ZNF718: variants seen among roughly 807,000 people sequenced by gnomAD.
ZNF718 encodes the protein zinc finger protein 718.
Under a neutral mutation model 2.6 loss-of-function variants are expected in ZNF718, and 3 were observed. The ratio of observed to expected loss-of-function variants is 1.16; its 90% CI spans 0.53 to 3.01. ZNF718 has a LOEUF of 3.01. ZNF718 is among the 30% of genes most tolerant of loss of function. The probability of loss-of-function intolerance (pLI) is 0.03; values close to 1 mark genes in which losing one functional copy is unlikely to be tolerated. For missense variants in ZNF718, 468 were observed against 230.0 expected (o/e 2.03, Z -6.69); for synonymous variants, 135 against 77.9 (o/e 1.73, Z -3.86).
rs1481673724 is a variant in ZNF718 at position 163,905 on chromosome 4, T to C, written c.*1783T>C. 6.9e-6 allele frequency: 1 copy of C among 145,472 alleles called. No individual in the cohort carries two copies. Among genetic ancestry groups the C allele is most frequent in the Non-Finnish European group, 1.6e-5 (1 of 64,130 alleles). 9.0% of individuals were successfully genotyped at this position (145,472 alleles called of 1,614,324 possible). A position where few individuals can be genotyped will look rare whatever the true frequency, so the allele number is the denominator to read the frequency against. ...TTTATGTGGGTACATGGTATGTGTA[T>C]ACATTCATGGCATAGATGGGTTACT... On this transcript the variant is annotated 3_prime_UTR_variant, in exon 4 of 4. Coordinates refer to ENST00000510175, the MANE Select transcript of ZNF718 (RefSeq NM_001039127.6).
At chr4:142,420 G>A (rs1715852407) in intron 3 of ZNF718, among the ~76,000 whole-genome samples, 1 of 152,202 alleles carries the variant, frequency 6.6e-6, no homozygotes, top group South Asian at 2.1e-4. Context: ...GTCAGTGTAA[G>A]TAAGAAACTT....
intron 3 of ZNF718, among the ~76,000 whole-genome samples, chr4:193,418 G>A (rs769898954): frequency 2.4e-4 from 36 of 152,116 alleles, no homozygotes; most frequent in Non-Finnish European, 5.0e-4. Context: ...GGAGGACTAG[G>A]TAAGCATACT....
At chr4:133,887 T>A (rs782157095) in intron 3 of ZNF718, among the ~76,000 whole-genome samples, 3 of 152,374 alleles carry the variant, frequency 2.0e-5, no homozygotes, top group Non-Finnish European at 1.5e-5. Flanking sequence ...TGAACACATC[T>A]ATTACCTCAG....
At chr4:174,080 A>T (rs1553818673) in intron 3 of ZNF718, among the ~76,000 whole-genome samples, 1 of 152,116 alleles carries the variant, frequency 6.6e-6, no homozygotes, top group African/African-American at 2.4e-5. Context: ...TAAACAAGCT[A>T]TTTAGATAAA....
chr4:148,601 ACT>A (rs1560115920), intron 3 of ZNF718, among the ~76,000 whole-genome samples: 4 of 132,000 alleles, frequency 3.0e-5, no homozygotes, highest in African/African-American at 1.2e-4. Context: ...ACAGAGTGAG[ACT>A]CTGTCTCAAA....
intron 3 of ZNF718, among the ~76,000 whole-genome samples, chr4:181,646 T>C (rs1192785569): frequency 1.3e-5 from 2 of 152,120 alleles, no homozygotes; most frequent in African/African-American, 2.4e-5. Flanking sequence ...TCTATAAAAA[T>C]CTATTTTTTT....
In ZNF718 at chr4:131,271, C is replaced by A. The variant is rs1320484332; in HGVS notation, c.131-139C>A. On this transcript the variant is annotated intron_variant, in intron 2 of 3. Coordinates refer to ENST00000510175, the MANE Select transcript of ZNF718 (RefSeq NM_001039127.6). ...AGATTTAAAATACTTAAATATTCTA[C>A]AGATTCTGTCGGAAAACAATTTTTG... 4.0e-5 allele frequency: 9 copies of A among 224,702 alleles called. 3 individuals carry two copies. The highest frequency in any genetic ancestry group is 7.1e-5 in the Non-Finnish European group (9 of 126,940). 13.9% of individuals were successfully genotyped at this position (224,702 alleles called of 1,614,324 possible). A position where few individuals can be genotyped will look rare whatever the true frequency, so the allele number is the denominator to read the frequency against.
At chr4:124,724 C>A in intron 1 of ZNF718, 51 bp downstream of exon 1, 1 of 1,603,940 alleles carries the variant, frequency 6.2e-7, no homozygotes, top group South Asian at 1.1e-5. Context: ...TCATCGGAAC[C>A]GGCGGGAAAT....
chr4:155,309 C>T (rs1440989988), intron 3 of ZNF718, among the ~76,000 whole-genome samples: 1 of 152,108 alleles, frequency 6.6e-6, no homozygotes, highest in Non-Finnish European at 1.5e-5. Flanking sequence ...GTCCTCCAGG[C>T]CCCAGAATGA....
intron 3 of ZNF718, among the ~76,000 whole-genome samples, chr4:187,432 G>A (rs1717592414): frequency 6.6e-6 from 1 of 152,026 alleles, no homozygotes. Context: ...TCACCATATT[G>A]GCCAGACTGG....
upstream of ZNF718, chr4:124,485 A>G: frequency 1.4e-6 from 1 of 721,330 alleles, no homozygotes; most frequent in Non-Finnish European, 2.4e-6. Flanking sequence ...AGGGTGCGGC[A>G]TCCGGGATCT....
intron 3 of ZNF718, among the ~76,000 whole-genome samples, chr4:159,157 C>T (rs1189534638): frequency 6.6e-6 from 1 of 151,696 alleles, no homozygotes; most frequent in Non-Finnish European, 1.5e-5. Flanking sequence ...TTGCCTCAGC[C>T]TCCCGAGTAG....
At chr4:145,442 A>G (rs1349917239) in intron 3 of ZNF718, among the ~76,000 whole-genome samples, 3 of 152,194 alleles carry the variant, frequency 2.0e-5, no homozygotes, top group African/African-American at 7.2e-5. Flanking sequence ...CATAGTTATA[A>G]AAGTCTAGCT....
intron 3 of ZNF718, among the ~76,000 whole-genome samples, chr4:170,273 C>T (rs187055614): frequency 6.6e-6 from 1 of 152,232 alleles, no homozygotes; most frequent in East Asian, 1.9e-4. Context: ...CTCTGGCTGC[C>T]CTTAACATTT....
chr4:184,617 A>G lies in ZNF718; in HGVS notation c.227-16464A>G, dbSNP rs148492329. ...AGCTCTTCTTTGTACCTCTGGTAGAATTCAGCTTTGAATCTGTCAGGTCCT... is the reference window on the plus strand; with the variant it reads ...AGCTCTTCTTTGTACCTCTGGTAGAGTTCAGCTTTGAATCTGTCAGGTCCT... On this transcript the variant is annotated intron_variant and NMD_transcript_variant, in intron 3 of 4. Coordinates refer to the ZNF718 transcript ENST00000642529. Among the ~76,000 whole-genome samples, 375 of 152,262 alleles carry G rather than the reference A, an allele frequency of 2.5e-3. 1 individual carries two copies. The highest frequency in any genetic ancestry group is 8.9e-3 in the African/African-American group (369 of 41,550).
intron 3 of ZNF718, among the ~76,000 whole-genome samples, chr4:196,140 A>G (rs1439402634): frequency 6.6e-6 from 1 of 152,132 alleles, no homozygotes; most frequent in Non-Finnish European, 1.5e-5. Context: ...GTACTGGGTT[A>G]TCACTTCTAA....
In ZNF718 at chr4:178,722, C is replaced by A. The variant is rs951733055; in HGVS notation, c.227-22359C>A. On this transcript the variant is annotated intron_variant and NMD_transcript_variant, in intron 3 of 4. Coordinates refer to the ZNF718 transcript ENST00000642529. ...AGAAATGTCTTTGGAGACCTTGGTT[C>A]ATTTTATTAAAAATCAAGATATTCA... Among the ~76,000 whole-genome samples the A allele has an allele frequency of 1.4e-4, 22 of 152,118 alleles. 1 individual carries two copies. Among genetic ancestry groups the A allele is most frequent in the Non-Finnish European group, 1.5e-5 (1 of 68,000 alleles).
At chr4:188,959 ATT>A (rs36024882) in intron 3 of ZNF718, among the ~76,000 whole-genome samples, 369 of 146,582 alleles carry the variant, frequency 2.5e-3, no homozygotes, top group African/African-American at 8.3e-3. Context: ...TGTGTGTTTG[ATT>A]TTTTTTTTTT....
chr4:126,525 A>G (rs1284532096), intron 1 of ZNF718, among the ~76,000 whole-genome samples: 1 of 152,252 alleles, frequency 6.6e-6, no homozygotes, highest in Non-Finnish European at 1.5e-5. Context: ...TTCAGCAGGT[A>G]CCTGGCTCCA....
Sources: gnomAD v4.1 joint callset for allele counts (sites outside exome capture counted in the v4.1 genomes callset) on GRCh38, gnomAD v4.1.1 for gene constraint, MANE v1.5 for transcripts, NCBI Gene and HGNC (gene_info 2026-07-23, HGNC 2026-07-21) for gene names.